Variants in CTNNA1 observed in about 807,000 individuals in gnomAD.
CTNNA1 encodes the protein catenin alpha 1.
In CTNNA1, 37 loss-of-function variants were observed where a neutral mutation model predicts 98.4. The observed-to-expected ratio is 0.38, with a 90% CI of 0.29 to 0.49. The LOEUF is 0.49. CTNNA1 is among the 20% of genes least tolerant of loss of function. The pLI is 0.95. For synonymous variants in CTNNA1, 404 were observed against 413.2 expected (o/e 0.98, Z 0.27); for missense variants, 761 against 1,147.2 (o/e 0.66, Z 4.86).
rs1215735982 is a variant in CTNNA1, at chr5:138,856,242, G to A, written c.1062+28524G>A. Among the ~76,000 whole-genome samples the A allele has an allele frequency of 3.3e-5, 5 of 152,242 alleles. No individual in the cohort carries two copies. The East Asian group carries it at 5.8e-4, about 18-fold the overall frequency. Reference sequence around the variant, plus strand: ...ATTAATGAACCTCTTGTATATGAACGTAACAAATTAAACCTTATAATAAGA... The same window carrying A: ...ATTAATGAACCTCTTGTATATGAACATAACAAATTAAACCTTATAATAAGA... On this transcript the variant is annotated intron_variant, in intron 7 of 17. Coordinates refer to ENST00000302763, the MANE Select transcript of CTNNA1 (RefSeq NM_001903.5).
intron 1 of CTNNA1, among the ~76,000 whole-genome samples, chr5:138,769,864 G>A (rs1753346171): frequency 6.7e-6 from 1 of 149,066 alleles, no homozygotes; most frequent in Non-Finnish European, 1.5e-5. Flanking sequence ...TTTATTTATT[G>A]AGACGGAGTT....
intron 1 of CTNNA1, among the ~76,000 whole-genome samples, chr5:138,775,581 A>G (rs1037002835): frequency 6.6e-6 from 1 of 152,148 alleles, no homozygotes; most frequent in Non-Finnish European, 1.5e-5. Flanking sequence ...CATTGATACA[A>G]TGCTACTGTT....
Position 138,812,415 on chromosome 5 carries a change from C to T in CTNNA1, c.588+113C>T. 4.4e-6 allele frequency: 5 copies of T among 1,141,884 alleles called. No individual in the cohort carries two copies. The South Asian group carries it at 5.2e-5, about 12-fold the overall frequency. 70.7% of individuals were successfully genotyped at this position (1,141,884 alleles called of 1,614,324 possible). A position where few individuals can be genotyped will look rare whatever the true frequency, so the allele number is the denominator to read the frequency against. On this transcript the variant is annotated intron_variant, in intron 5 of 17. Coordinates refer to ENST00000302763, the MANE Select transcript of CTNNA1 (RefSeq NM_001903.5). ...ATTACTTACCTTCGCCAATATAGTT[C>T]CATTAAAACATTTAAACTAAGGTGT...
chr5:138,761,674 A>G (rs1359583197), intron 1 of CTNNA1, among the ~76,000 whole-genome samples: 1 of 152,202 alleles, frequency 6.6e-6, no homozygotes, highest in Non-Finnish European at 1.5e-5. Context: ...ATAAGTAGTG[A>G]AAAACATGAA....
chr5:138,812,193 G>A lies in CTNNA1; in HGVS notation c.479G>A (p.Gly160Asp), dbSNP rs1415757253. 8.1e-6 allele frequency: 13 copies of A among 1,613,166 alleles called. No homozygotes were observed. The highest frequency in any genetic ancestry group is 1.7e-5 in the Admixed American group (1 of 59,892). Residue 160 changes from glycine (G) to aspartate (D), a missense_variant, in exon 5 of 18, where the codon GGT becomes GAT. Around this residue, in one of 6 missense-constraint regions of CTNNA1, gnomAD observed 328 missense variants for 354.3 expected, o/e 0.93. Coordinates refer to ENST00000302763, the MANE Select transcript of CTNNA1 (RefSeq NM_001903.5). ...LLVQLKVVED[G>D]ILKLRNAGNE... The stretch of plus-strand genomic sequence containing the variant: ...TTTCTTATTTTATAGGTGGAAGATG[G>A]TATCTTGAAGTTGAGGAATGCTGGC...
At chr5:138,775,580 A>G (rs1754013103) in intron 1 of CTNNA1, among the ~76,000 whole-genome samples, 1 of 152,138 alleles carries the variant, frequency 6.6e-6, no homozygotes, top group Non-Finnish European at 1.5e-5. Context: ...ACATTGATAC[A>G]ATGCTACTGT....
At chr5:138,799,191 G>A (rs1035344447) in intron 3 of CTNNA1, among the ~76,000 whole-genome samples, 4 of 151,866 alleles carry the variant, frequency 2.6e-5, no homozygotes, top group Non-Finnish European at 5.9e-5. Flanking sequence ...ACAGAGTTTC[G>A]CTCTTGTTGC....
rs201127080 is a variant in CTNNA1, at chr5:138,783,415, C to T, written c.301+43C>T. The T allele has an allele frequency of 4.2e-5, 65 of 1,531,358 alleles. 1 individual carries two copies. The highest frequency in any genetic ancestry group is 2.6e-4 in the African/African-American group (19 of 72,128). The allele number at this position is 1,531,358 out of a possible 1,614,324, so 94.9% of individuals were successfully genotyped here. A position where few individuals can be genotyped will look rare whatever the true frequency, so the allele number is the denominator to read the frequency against. ...TTTAGGTAAAGAGAGGCAGGCCTTT[C>T]TAGAAAATCAGTGTTTGAAGATTTT... On this transcript the variant is annotated intron_variant, in intron 3 of 17. Transcript: ENST00000302763.
intron 6 of CTNNA1, among the ~76,000 whole-genome samples, chr5:138,827,288 C>A (rs983881470): frequency 1.3e-5 from 2 of 152,186 alleles, no homozygotes; most frequent in Admixed American, 6.5e-5. Context: ...CATACCTTAT[C>A]ATGCCTTGTT....
In CTNNA1 at chr5:138,824,799, C is replaced by G. The variant is rs779989605; in HGVS notation, c.858C>G (p.Asp286Glu). 1.2e-6 allele frequency: 2 copies of G among 1,610,010 alleles called. No individual in the cohort carries two copies. The highest frequency in any genetic ancestry group is 2.2e-5 in the East Asian group (1 of 44,752). Residue 286 changes from aspartate (D) to glutamate (E), a missense_variant and splice_region_variant, in exon 6 of 18, where the codon GAC becomes GAG. Physicochemically the swap from Asp to Glu is conservative, Grantham distance 45 (BLOSUM62 2). Coordinates refer to ENST00000302763, the MANE Select transcript of CTNNA1 (RefSeq NM_001903.5). ...GELAYALNNF[D>E]KQIIVDPLSF... ...TGGCATATGCACTCAATAACTTTGA[C>G]GTAAGTTATGCTTGGGTGGAAATTT...
intron 7 of CTNNA1, among the ~76,000 whole-genome samples, chr5:138,830,420 A>T (rs909153959): frequency 3.9e-5 from 6 of 152,198 alleles, no homozygotes; most frequent in Admixed American, 3.9e-4. Flanking sequence ...GTATTTTAGG[A>T]GATGGTCTCT....
chr5:138,890,397 C>T (rs1755087034), intron 9 of CTNNA1, among the ~76,000 whole-genome samples: 1 of 152,200 alleles, frequency 6.6e-6, no homozygotes, highest in Admixed American at 6.5e-5. Flanking sequence ...GTCCCCAGGC[C>T]ACCTGTACTT....
intron 17 of CTNNA1, among the ~76,000 whole-genome samples, chr5:138,933,578 C>T (rs1765897312): frequency 6.6e-6 from 1 of 152,184 alleles, no homozygotes; most frequent in South Asian, 2.1e-4. Context: ...GAGGTTGCCT[C>T]ATGTCTTCTC....
chr5:138,764,707 G>T (rs1752722744), intron 1 of CTNNA1, among the ~76,000 whole-genome samples: 1 of 151,804 alleles, frequency 6.6e-6, no homozygotes, highest in Non-Finnish European at 1.5e-5. Context: ...CTGACCTCAG[G>T]TGATCCGCCC....
chr5:138,790,077 G>A (rs886783641), intron 3 of CTNNA1, among the ~76,000 whole-genome samples: 33 of 152,176 alleles, frequency 2.2e-4, no homozygotes, highest in African/African-American at 7.2e-4. Context: ...TAAAGTGACT[G>A]GTAGACAGCC....
At chr5:138,883,198 C>CT (rs1210236700) in intron 7 of CTNNA1, among the ~76,000 whole-genome samples, 1 of 152,148 alleles carries the variant, frequency 6.6e-6, no homozygotes, top group African/African-American at 2.4e-5. Flanking sequence ...AAGCTTTATA[C>CT]TTTCCTCAAG....
At chr5:138,888,536 CGTTTT>C (rs1554099223) in intron 9 of CTNNA1, among the ~76,000 whole-genome samples, 1 of 151,952 alleles carries the variant, frequency 6.6e-6, no homozygotes, top group Non-Finnish European at 1.5e-5. Context: ...TATTAGGCCA[CGTTTT>C]GTTTTGTTTT....
chr5:138,812,553 G>A (rs1758940915), intron 5 of CTNNA1, among the ~76,000 whole-genome samples: 1 of 152,154 alleles, frequency 6.6e-6, no homozygotes. Context: ...TTGTGATGAA[G>A]GTAGTGTCTG....
chr5:138,893,161 C>T (rs1010500097), intron 9 of CTNNA1, among the ~76,000 whole-genome samples: 2 of 152,150 alleles, frequency 1.3e-5, no homozygotes, highest in East Asian at 3.9e-4. Flanking sequence ...CAAGGCCAGC[C>T]CTCACGGAAC....
Sources: gnomAD v4.1 joint callset for allele counts (sites outside exome capture counted in the v4.1 genomes callset) on GRCh38, gnomAD v4.1.1 for gene constraint, gnomAD v4.1.1 regional missense constraint, MANE v1.5 for transcripts, NCBI Gene and HGNC (gene_info 2026-07-23, HGNC 2026-07-21) for gene names.